The following PPP3CA variants were observed in gnomAD, a reference collection of about 807,000 sequenced individuals.
PPP3CA encodes the protein protein phosphatase 3 catalytic subunit alpha, also known as CAM-PRP catalytic subunit.
A neutral mutation model predicts 66.5 loss-of-function variants in PPP3CA; 14 were observed. The observed-to-expected ratio is 0.21, with a 90% CI of 0.14 to 0.33. PPP3CA has a LOEUF of 0.33. PPP3CA is among the 10% of genes least tolerant of loss of function. The pLI, the probability that PPP3CA is intolerant of heterozygous loss-of-function variation, is 1.00. For synonymous variants in PPP3CA, 232 were observed against 226.2 expected (o/e 1.03, Z -0.23); for missense variants, 317 against 639.5 (o/e 0.50, Z 5.44).
At chr4:101,299,035 T>C (rs540163200) in intron 1 of PPP3CA, among the ~76,000 whole-genome samples, 12 of 151,784 alleles carry the variant, frequency 7.9e-5, no homozygotes, top group Non-Finnish European at 2.9e-5. Flanking sequence ...ACTATGATAT[T>C]CAGCACCACT....
intron 2 of PPP3CA, among the ~76,000 whole-genome samples, chr4:101,121,488 G>A (rs999359373): frequency 2.6e-5 from 4 of 151,868 alleles, no homozygotes; most frequent in Non-Finnish European, 4.4e-5. Context: ...TCACAAATCT[G>A]AAATATATTT....
At chr4:101,151,652 CTTTT>C (rs369745312) in intron 2 of PPP3CA, among the ~76,000 whole-genome samples, 27 of 84,824 alleles carry the variant, frequency 3.2e-4, no homozygotes, top group Admixed American at 3.1e-3. Flanking sequence ...CCAAGGTTTC[CTTTT>C]TTTTTTTTTT....
chr4:101,253,937 G>A (rs1267500246), intron 1 of PPP3CA, among the ~76,000 whole-genome samples: 4 of 151,938 alleles, frequency 2.6e-5, no homozygotes, highest in Non-Finnish European at 5.9e-5. Context: ...AATACAGGAA[G>A]TCACTTGAAC....
intron 3 of PPP3CA, among the ~76,000 whole-genome samples, chr4:101,107,804 T>C (rs1406328288): frequency 5.9e-5 from 9 of 152,220 alleles, no homozygotes; most frequent in Non-Finnish European, 8.8e-5. Context: ...AGAATGTTTT[T>C]CTATGATTAT....
At chr4:101,113,205 T>A (rs1721731881) in intron 2 of PPP3CA, among the ~76,000 whole-genome samples, 1 of 152,130 alleles carries the variant, frequency 6.6e-6, no homozygotes, top group Admixed American at 6.6e-5. Context: ...TAACTCTACA[T>A]CAGAACCACT....
chr4:101,080,287 C>T (rs1056560707), intron 8 of PPP3CA, among the ~76,000 whole-genome samples: 2 of 152,068 alleles, frequency 1.3e-5, no homozygotes, highest in African/African-American at 2.4e-5. Context: ...CAGCAGCTGT[C>T]AACCCTGCTA....
chr4:101,185,720 T>C (rs1560646921), intron 2 of PPP3CA, among the ~76,000 whole-genome samples: 1 of 152,156 alleles, frequency 6.6e-6, no homozygotes, highest in Non-Finnish European at 1.5e-5. Flanking sequence ...ATCAATGGTT[T>C]ATGGCCACCT....
Position 101,105,967 on chromosome 4 carries a change from T to C in PPP3CA, c.384+2987A>G, listed in dbSNP as rs115257803. Among the ~76,000 whole-genome samples the C allele has an allele frequency of 2.4e-3, 365 of 152,254 alleles. 3 individuals carry two copies. The highest frequency in any genetic ancestry group is 8.3e-3 in the African/African-American group (343 of 41,556). ...ACTTTATTAGGAGTGCTACAAATGT[T>C]AAATGAATAAGATGAATTTAAGAGT... On this transcript the variant is annotated intron_variant, in intron 3 of 13. Coordinates refer to ENST00000394854, the MANE Select transcript of PPP3CA (RefSeq NM_000944.5).
rs572551037 is a variant in PPP3CA, at chr4:101,078,294, T to C, written c.955+2238A>G. On this transcript the variant is annotated intron_variant, in intron 8 of 13. Coordinates refer to ENST00000394854, the MANE Select transcript of PPP3CA (RefSeq NM_000944.5). ...CCCTGCAGGTATCTCAGGGTCCTTC[T>C]CTCGTGCAAGATTGAGAATCCTCAT... Among the ~76,000 whole-genome samples the C allele has an allele frequency of 5.3e-5, 8 of 152,310 alleles. No individual in the cohort carries two copies. In the East Asian group the frequency reaches 1.5e-3, roughly 29 times the overall value.
At position 101,346,731 on chromosome 4, in the gene PPP3CA, C is replaced by T. The variant is rs1449527471; in HGVS notation, c.58+8G>A. The T allele has an allele frequency of 6.2e-7, 1 of 1,610,158 alleles. No homozygotes were observed. Among genetic ancestry groups the T allele is most frequent in the Non-Finnish European group, 8.5e-7 (1 of 1,178,620 alleles). On this transcript the variant is annotated splice_region_variant and intron_variant, in intron 1 of 13. Coordinates refer to ENST00000394854, the MANE Select transcript of PPP3CA (RefSeq NM_000944.5). ...GGTGCACCCAGGCCACCGCGGCGCT[C>T]CGCTTACCTTTCACCACCCTGTCGG... is the stretch of plus-strand genomic sequence containing the variant.
chr4:101,305,443 C>T (rs982233368), intron 1 of PPP3CA, among the ~76,000 whole-genome samples: 1 of 152,090 alleles, frequency 6.6e-6, no homozygotes, highest in Non-Finnish European at 1.5e-5. Flanking sequence ...GTATTTCACA[C>T]CTTGGGAAAA....
At chr4:101,302,963 G>T (rs1228426905) in intron 1 of PPP3CA, among the ~76,000 whole-genome samples, 1 of 152,130 alleles carries the variant, frequency 6.6e-6, no homozygotes, top group Non-Finnish European at 1.5e-5. Context: ...TAAAAATTGG[G>T]AATGGCCATT....
At chr4:101,026,603 A>G (rs1393982090) in intron 13 of PPP3CA, among the ~76,000 whole-genome samples, 1 of 152,222 alleles carries the variant, frequency 6.6e-6, no homozygotes, top group Admixed American at 6.5e-5. Flanking sequence ...TTTCCATGCC[A>G]TCTCAGAATC....
At chr4:101,285,269 C>T (rs369924865) in intron 1 of PPP3CA, among the ~76,000 whole-genome samples, 13 of 152,212 alleles carry the variant, frequency 8.5e-5, no homozygotes, top group African/African-American at 2.9e-4. Context: ...CCTTAACTTG[C>T]TTTCCTTTAA....
At chr4:101,035,385 A>C (rs995258471) in intron 11 of PPP3CA, among the ~76,000 whole-genome samples, 6 of 152,228 alleles carry the variant, frequency 3.9e-5, no homozygotes, top group Non-Finnish European at 8.8e-5. Flanking sequence ...TTTACCTACA[A>C]AACTCTTCTG....
intron 2 of PPP3CA, among the ~76,000 whole-genome samples, chr4:101,141,606 CTACTGAAGAGTTATT>C (rs929114009): frequency 1.3e-5 from 2 of 152,150 alleles, no homozygotes; most frequent in African/African-American, 4.8e-5. Flanking sequence ...ATTGAGTACC[CTACTGAAGAGTTATT>C]TCCTCAGAAA....
chr4:101,269,758 A>G lies in PPP3CA; in HGVS notation c.59-73642T>C, dbSNP rs986633011. ...ACTGCTGGCATAATTACCCACCTCA[A>G]TGTGAACATCATGAAGAAGACAACA... On this transcript the variant is annotated intron_variant, in intron 1 of 13. Coordinates refer to ENST00000394854, the MANE Select transcript of PPP3CA (RefSeq NM_000944.5). Among the ~76,000 whole-genome samples, 10 of 152,266 alleles carry G rather than the reference A, an allele frequency of 6.6e-5. 1 individual carries two copies. The South Asian group carries it at 1.0e-3, about 16-fold the overall frequency.
At chr4:101,322,408 CTT>C (rs1254595877) in intron 1 of PPP3CA, among the ~76,000 whole-genome samples, 46 of 134,058 alleles carry the variant, frequency 3.4e-4, no homozygotes, top group Non-Finnish European at 2.6e-4. Context: ...CTACTGACAT[CTT>C]TTTTTTTTTT....
chr4:101,259,626 A>T lies in PPP3CA; in HGVS notation c.59-63510T>A, dbSNP rs1431527276. ...GGTCAGGATTATAAAGTACATCATTATAAGCCAGATTTATTTATAGTGTCA... is the reference window on the plus strand; with the variant it reads ...GGTCAGGATTATAAAGTACATCATTTTAAGCCAGATTTATTTATAGTGTCA... On this transcript the variant is annotated intron_variant, in intron 1 of 13. Transcript: ENST00000394854. Among the ~76,000 whole-genome samples, 3 of 152,306 alleles carry T rather than the reference A, an allele frequency of 2.0e-5. No individual in the cohort carries two copies. The East Asian group carries it at 5.8e-4, about 29-fold the overall frequency.
Sources: gnomAD v4.1 joint callset for allele counts (sites outside exome capture counted in the v4.1 genomes callset) on GRCh38, gnomAD v4.1.1 for gene constraint, MANE v1.5 for transcripts, NCBI Gene and HGNC (gene_info 2026-07-23, HGNC 2026-07-21) for gene names.